The following C6orf141 variants were observed in gnomAD, a reference collection of about 807,000 sequenced individuals.
C6orf141 encodes uncharacterized protein C6orf141.
For missense variants in C6orf141, 361 were observed against 335.8 expected, an observed-to-expected ratio of 1.07 and a Z score of -0.59; for synonymous variants, 164 against 140.5, an observed-to-expected ratio of 1.17 and a Z score of -1.18.
chr6:49,550,892 C>T lies in C6orf141; in HGVS notation c.100C>T (p.Arg34Trp). ...CCTGGGGGACCTCGGGCCTTTTCCG[C>T]GGGAGGTAGGGCGCGGGGCTCCGCT... Reference protein sequence around the residue: ...RSLGDLGPFPREVGRGAPLAP... With the variant: ...RSLGDLGPFPWEVGRGAPLAP... The change falls in exon 1 of 1, where the codon CGG (arginine) becomes TGG (tryptophan). Residue 34 changes from arginine (R) to tryptophan (W), a missense_variant. By Grantham distance (101) the Arg-to-Trp change is moderately radical. Transcript: ENST00000529246. The T allele has an allele frequency of 6.6e-7, 1 of 1,510,714 alleles. No homozygotes were observed. Among genetic ancestry groups the T allele is most frequent in the Non-Finnish European group, 8.8e-7 (1 of 1,131,756 alleles). The allele number at this position is 1,510,714 out of a possible 1,614,324, so 93.6% of individuals were successfully genotyped here.
intron 4 of C6orf141, among the ~76,000 whole-genome samples, chr6:49,557,631 T>A (rs1041153229): frequency 6.6e-6 from 1 of 152,156 alleles, no homozygotes; most frequent in African/African-American, 2.4e-5. Context: ...GAGCCATTAC[T>A]GTGAAGTGTA....
At chr6:49,560,967 T>G (rs1464440699) in intron 4 of C6orf141, 1 of 152,164 alleles carries the variant, frequency 6.6e-6, no homozygotes, top group Non-Finnish European at 1.5e-5. Flanking sequence ...TTTTTCTGTG[T>G]GGAAGGTCAT....
At chr6:49,561,343 C>T (rs1442995267) in intron 4 of C6orf141, among the ~76,000 whole-genome samples, 1 of 152,184 alleles carries the variant, frequency 6.6e-6, no homozygotes, top group Non-Finnish European at 1.5e-5. Context: ...AGGTGATCCC[C>T]CTGCCTTGGC....
Position 49,550,747 on chromosome 6 carries a change from G to C in C6orf141, c.-46G>C. ...GGGCTTGGTGGTCCCGCGCTTTCCGGAGCTCAGCAGGCGCTTGCTGCTTGA... is the reference window on the plus strand; with the variant it reads ...GGGCTTGGTGGTCCCGCGCTTTCCGCAGCTCAGCAGGCGCTTGCTGCTTGA... On this transcript the variant is annotated 5_prime_UTR_variant, in exon 1 of 1. Transcript: ENST00000529246. 7.0e-7 allele frequency: 1 copy of C among 1,420,326 alleles called. No homozygotes were observed. The allele number at this position is 1,420,326 out of a possible 1,614,324, so 88.0% of individuals were successfully genotyped here. A position where few individuals can be genotyped will look rare whatever the true frequency, so the allele number is the denominator to read the frequency against.
chr6:49,554,200 T>A (rs1175424944), downstream of C6orf141, among the ~76,000 whole-genome samples: 1 of 152,190 alleles, frequency 6.6e-6, no homozygotes, highest in Admixed American at 6.5e-5. Flanking sequence ...TCTGGGCAGA[T>A]GGGAGCTTTG....
rs532113326 is a variant in C6orf141, at chr6:49,559,600, C to T, written c.*764-2104C>T. Among the ~76,000 whole-genome samples, 13 of 152,070 alleles carry T rather than the reference C, an allele frequency of 8.5e-5. No individual in the cohort carries two copies. In the South Asian group the frequency reaches 2.3e-3, roughly 27 times the overall value. On this transcript the variant is annotated intron_variant and NMD_transcript_variant, in intron 4 of 4. Transcript: ENST00000371194. ...CGTGACTTGTTCCTGGCCCAAACCCCTGAGTGTTAAATTTGCTTTGTGTGA... is the reference window on the plus strand; with the variant it reads ...CGTGACTTGTTCCTGGCCCAAACCCTTGAGTGTTAAATTTGCTTTGTGTGA...
rs776072224 is a variant in C6orf141, at chr6:49,551,859, C to T, written c.*332C>T. 16 of 1,154,994 alleles carry T rather than the reference C, an allele frequency of 1.4e-5. No individual in the cohort carries two copies. The highest frequency in any genetic ancestry group is 1.7e-5 in the Non-Finnish European group (16 of 926,052). The allele number at this position is 1,154,994 out of a possible 1,614,324, so 71.5% of individuals were successfully genotyped here. Reference sequence around the variant, plus strand: ...CAATTGATCTCTTTTCTGTTCCCCGCCCCCCTCTTGTTTCTCTTTAGGACC... The same window carrying T: ...CAATTGATCTCTTTTCTGTTCCCCGTCCCCCTCTTGTTTCTCTTTAGGACC... On this transcript the variant is annotated 3_prime_UTR_variant, in exon 1 of 1. Coordinates refer to ENST00000529246, the MANE Select transcript of C6orf141 (RefSeq NM_001145652.2).
At chr6:49,559,823 C>G (rs770983288) in intron 4 of C6orf141, among the ~76,000 whole-genome samples, 1 of 152,098 alleles carries the variant, frequency 6.6e-6, no homozygotes, top group East Asian at 1.9e-4. Context: ...GGGAGAACTT[C>G]GGAATGCAGT....
At chr6:49,560,933 TACC>T (rs920408548) in intron 4 of C6orf141, 1 of 152,186 alleles carries the variant, frequency 6.6e-6, no homozygotes, top group Admixed American at 6.6e-5. Flanking sequence ...ATTTTCAAAT[TACC>T]ACATTTTTAT....
rs144261532 is a variant in C6orf141, at chr6:49,550,966, G to A, written c.174G>A (p.Gln58=). ...NPATAGASRS[Q]GGGHEDRTAD... is the part of the protein sequence containing the mutation. ...CGACGGCAGGGGCGAGCCGAAGCCA[G>A]GGCGGCGGCCACGAGGACAGAACGG... The change falls in exon 1 of 1, where the codon CAG becomes CAA. Residue 58 remains glutamine, a synonymous_variant. Coordinates refer to ENST00000529246, the MANE Select transcript of C6orf141 (RefSeq NM_001145652.2). 1.1e-3 allele frequency: 1,652 copies of A among 1,550,426 alleles called. 16 individuals carry two copies. In the African/African-American group the frequency reaches 0.02, roughly 19 times the overall value.
rs187304389 is a variant in C6orf141, at chr6:49,551,640, G to A, written c.*113G>A. The A allele has an allele frequency of 1.3e-6, 2 of 1,487,986 alleles. No homozygotes were observed. Among genetic ancestry groups the A allele is most frequent in the East Asian group, 2.5e-5 (1 of 40,492 alleles). 92.2% of individuals were successfully genotyped at this position (1,487,986 alleles called of 1,614,324 possible). On this transcript the variant is annotated 3_prime_UTR_variant, in exon 1 of 1. Transcript: ENST00000529246. ...ACCTACAGAAGGAACCTTTTGAGAG[G>A]CTGGTGCAGCGCTTCGGGGAGGCAG...
rs1447530455 is a variant in C6orf141, at chr6:49,551,337, C to T, written c.545C>T (p.Thr182Ile). ...ACCTCCTGGGCCAAGGGTCGCATGACCACGAGGACTGAGGAGCACTTCGTG... is the reference window on the plus strand; with the variant it reads ...ACCTCCTGGGCCAAGGGTCGCATGATCACGAGGACTGAGGAGCACTTCGTG... ...LQTSWAKGRMTTRTEEHFVTA... is the reference protein window; with the variant it reads ...LQTSWAKGRMITRTEEHFVTA... Residue 182 changes from threonine (T) to isoleucine (I), a missense_variant, in exon 1 of 1, where the codon ACC becomes ATC. Transcript: ENST00000529246. The T allele has an allele frequency of 6.4e-7, 1 of 1,551,704 alleles. No individual in the cohort carries two copies. The highest frequency in any genetic ancestry group is 1.2e-5 in the South Asian group (1 of 84,058).
intron 4 of C6orf141, among the ~76,000 whole-genome samples, chr6:49,559,531 T>C (rs115579301): frequency 0.017 from 2,647 of 152,114 alleles, 71 homozygotes; most frequent in African/African-American, 0.059. Flanking sequence ...TATTATCTAG[T>C]GGTCACTGGG....
downstream of C6orf141, chr6:49,555,308 A>G (rs975017899): frequency 6.6e-6 from 1 of 152,170 alleles, no homozygotes; most frequent in Non-Finnish European, 1.5e-5. Flanking sequence ...AAAGAAAAAA[A>G]CTTTTTATTA....
intron 4 of C6orf141, among the ~76,000 whole-genome samples, chr6:49,557,726 C>G (rs1011058496): frequency 2.6e-5 from 4 of 152,146 alleles, no homozygotes; most frequent in East Asian, 1.9e-4. Flanking sequence ...CCCAGCTTCT[C>G]AAAGTGCCAA....
At position 49,551,471 on chromosome 6, in the gene C6orf141, G is replaced by A. The variant is rs1218763873; in HGVS notation, c.679G>A (p.Ala227Thr). The stretch of plus-strand genomic sequence containing the variant: ...AACAGGGGCATCCCGCGTCCACGCC[G>A]CGGGGAGGAGGGTTTCACCGTCTCC... ...ARTGASRVHA[A>T]GRRVSPSPGT... Residue 227 changes from alanine (A) to threonine (T), a missense_variant, in exon 1 of 1, where the codon GCG becomes ACG. Transcript: ENST00000529246. 7 of 1,551,572 alleles carry A rather than the reference G, an allele frequency of 4.5e-6. No individual in the cohort carries two copies. The African/African-American group carries it at 5.5e-5, about 12-fold the overall frequency.
At chr6:49,559,767 G>A (rs1182894099) in intron 4 of C6orf141, among the ~76,000 whole-genome samples, 2 of 152,162 alleles carry the variant, frequency 1.3e-5, no homozygotes, top group Admixed American at 1.3e-4. Flanking sequence ...GAAAAAGGAG[G>A]CATAAGGGGT....
chr6:49,551,643 G>A lies in C6orf141; in HGVS notation c.*116G>A, dbSNP rs1174693064. The stretch of plus-strand genomic sequence containing the variant: ...TACAGAAGGAACCTTTTGAGAGGCT[G>A]GTGCAGCGCTTCGGGGAGGCAGATT... On this transcript the variant is annotated 3_prime_UTR_variant, in exon 1 of 1. Transcript: ENST00000529246. The A allele has an allele frequency of 3.4e-6, 5 of 1,484,526 alleles. No individual in the cohort carries two copies. The East Asian group carries it at 7.4e-5, about 22-fold the overall frequency. The allele number at this position is 1,484,526 out of a possible 1,614,324, so 92.0% of individuals were successfully genotyped here.
chr6:49,551,025 A>T lies in C6orf141; in HGVS notation c.233A>T (p.Glu78Val), dbSNP rs1435677754. The T allele has an allele frequency of 6.4e-7, 1 of 1,551,160 alleles. No homozygotes were observed. The highest frequency in any genetic ancestry group is 2.0e-5 in the Admixed American group (1 of 50,944). The change falls in exon 1 of 1, where the codon GAA becomes GTA. Residue 78 changes from glutamate (E) to valine (V), a missense_variant. Glu to Val is a moderately radical substitution (Grantham distance 121). Transcript: ENST00000529246. ...DRALGPRAGE[E>V]LDRESWVREK... ...GCCCTCGGACCTCGGGCCGGGGAGG[A>T]ATTGGACCGTGAGTCCTGGGTCAGA...
Sources: gnomAD v4.1 joint callset for allele counts (sites outside exome capture counted in the v4.1 genomes callset) on GRCh38, gnomAD v4.1.1 for gene constraint, MANE v1.5 for transcripts, NCBI Gene and HGNC (gene_info 2026-07-23, HGNC 2026-07-21) for gene names.